The following SEMA3D variants were observed in gnomAD, a reference collection of about 807,000 sequenced individuals.
SEMA3D encodes the protein semaphorin 3D, also known as semaphorin-3D.
In SEMA3D, 84 loss-of-function variants were observed where a neutral mutation model predicts 100.1. That is an observed-to-expected ratio of 0.84 (90% CI 0.70 to 1.01). The LOEUF is 1.01. Ranked by LOEUF, SEMA3D falls within the 50% of genes least tolerant of loss-of-function variation. The pLI, the probability that SEMA3D is intolerant of heterozygous loss-of-function variation, is 0.00. For missense variants in SEMA3D, 875 were observed against 934.1 expected, an observed-to-expected ratio of 0.94 and a Z score of 0.82; for synonymous variants, 312 against 320.7, an observed-to-expected ratio of 0.97 and a Z score of 0.29.
chr7:85,103,809 A>G (rs376725253), intron 3 of SEMA3D, among the ~76,000 whole-genome samples: 1 of 152,028 alleles, frequency 6.6e-6, no homozygotes, highest in African/African-American at 2.4e-5. Flanking sequence ...TTATTTATCT[A>G]CTTGCTTAAA....
intron 4 of SEMA3D, among the ~76,000 whole-genome samples, chr7:85,094,386 C>T (rs1788486704): frequency 6.6e-6 from 1 of 151,956 alleles, no homozygotes; most frequent in Admixed American, 6.6e-5. Flanking sequence ...AAAGGATAAA[C>T]TAAGTTAAAA....
chr7:85,105,210 T>C (rs1788878986), intron 3 of SEMA3D, among the ~76,000 whole-genome samples: 1 of 152,066 alleles, frequency 6.6e-6, no homozygotes, highest in African/African-American at 2.4e-5. Flanking sequence ...ATTTCTCCTC[T>C]GATCTCTAAA....
chr7:85,107,291 T>A (rs929435356), intron 3 of SEMA3D, among the ~76,000 whole-genome samples: 2 of 152,090 alleles, frequency 1.3e-5, no homozygotes, highest in African/African-American at 4.8e-5. Flanking sequence ...TTTCTCCAGA[T>A]GAAAGTTCTT....
chr7:85,195,675 C>G, the SEMA3D span, among the ~76,000 whole-genome samples: 1 of 152,110 alleles, frequency 6.6e-6, no homozygotes, highest in East Asian at 1.9e-4. Context: ...CCAGAATGGT[C>G]AAACTTCATA....
At chr7:85,053,947 G>A (rs1345860665) in intron 9 of SEMA3D, among the ~76,000 whole-genome samples, 1 of 151,808 alleles carries the variant, frequency 6.6e-6, no homozygotes. Flanking sequence ...GTGTGTGTGT[G>A]TGATGAGAAA....
At chr7:85,140,758 T>C (rs1011789225) in intron 2 of SEMA3D, 1 of 973,260 alleles carries the variant, frequency 1.0e-6, no homozygotes, top group African/African-American at 1.8e-5. Flanking sequence ...GGCCTAATAA[T>C]GAATGAATTA....
chr7:85,029,792 G>T, intron 12 of SEMA3D: 1 of 223,654 alleles, frequency 4.5e-6, no homozygotes, highest in South Asian at 7.0e-5. Context: ...CGGTCGAGCT[G>T]CTATACTAAA....
At position 85,039,969 on chromosome 7, in the gene SEMA3D, CTTTTTTTTTTT is replaced by C. The variant is rs776990536; in HGVS notation, c.1046+693_1046+703del. Among the ~76,000 whole-genome samples the C allele has an allele frequency of 6.6e-5, 6 of 90,628 alleles. No homozygotes were observed. In the East Asian group the frequency reaches 1.5e-3, roughly 23 times the overall value. 59.5% of individuals were successfully genotyped at this position (90,628 alleles called of 152,430 possible). A position where few individuals can be genotyped will look rare whatever the true frequency, so the allele number is the denominator to read the frequency against. On this transcript the variant is annotated intron_variant, in intron 11 of 18. Transcript: ENST00000284136. ...ACTATGATTAATATATACGCAAACA[CTTTTTTTTTTT>C]TTTTTTTTTTTTTGGTGACAGGGTC...
chr7:85,218,889 A>G, the SEMA3D span, among the ~76,000 whole-genome samples: 3 of 152,144 alleles, frequency 2.0e-5, no homozygotes, highest in African/African-American at 7.2e-5. Context: ...TCCTGATTCA[A>G]TAAGCCCTCA....
At chr7:85,149,690 T>G (rs1790312068) in intron 2 of SEMA3D, among the ~76,000 whole-genome samples, 2 of 152,100 alleles carry the variant, frequency 1.3e-5, no homozygotes, top group Admixed American at 6.6e-5. Flanking sequence ...TTACAGTGCT[T>G]CCATTCACTT....
intron 9 of SEMA3D, among the ~76,000 whole-genome samples, chr7:85,055,301 T>C (rs1217767202): frequency 6.6e-6 from 1 of 152,010 alleles, no homozygotes; most frequent in Non-Finnish European, 1.5e-5. Flanking sequence ...TTTAACATTA[T>C]ATAAAAACAT....
In SEMA3D at chr7:85,081,551, A is replaced by G; in HGVS notation, c.341T>C (p.Val114Ala). The change falls in exon 5 of 19, where the codon GTG becomes GCG. Residue 114 changes from valine (V) to alanine (A), a missense_variant. Physicochemically the swap from Val to Ala is moderately conservative, Grantham distance 64 (BLOSUM62 0). Coordinates refer to ENST00000284136, the MANE Select transcript of SEMA3D (RefSeq NM_001384900.1). ...TTTCCCAGCTAATTTACATAATTCC[A>G]CCCGTTCCTTTGCAGCAGGCCAATA... The part of the protein sequence containing the change: ...KIYWPAAKER[V>A]ELCKLAGKDA... The G allele has an allele frequency of 6.2e-7, 1 of 1,612,268 alleles. No homozygotes were observed. Among genetic ancestry groups the G allele is most frequent in the Non-Finnish European group, 8.5e-7 (1 of 1,178,582 alleles).
At position 85,126,375 on chromosome 7, in the gene SEMA3D, C is replaced by CGTGTGTGTGT. The variant is rs34641872; in HGVS notation, c.-40-4454_-40-4445dup. The stretch of plus-strand genomic sequence containing the variant: ...AACACTTAGATTTAGGATTCTTTCT[C>CGTGTGTGTGT]GTGTGTGTGTGTGTGTGTGTGTGTG... On this transcript the variant is annotated intron_variant, in intron 2 of 18. Transcript: ENST00000284136. Among the ~76,000 whole-genome samples, 28 of 131,006 alleles carry CGTGTGTGTGT rather than the reference C, an allele frequency of 2.1e-4. No homozygotes were observed. The South Asian group carries it at 2.2e-3, about 10-fold the overall frequency. 85.9% of individuals were successfully genotyped at this position (131,006 alleles called of 152,430 possible).
At chr7:85,216,913 A>T in the SEMA3D span, among the ~76,000 whole-genome samples, 1 of 151,810 alleles carries the variant, frequency 6.6e-6, no homozygotes, top group Admixed American at 6.6e-5. Flanking sequence ...GGCTCCAAAA[A>T]ACTTGGATTT....
chr7:85,016,977 A>G (rs1159799545), intron 15 of SEMA3D, among the ~76,000 whole-genome samples: 5 of 151,670 alleles, frequency 3.3e-5, no homozygotes, highest in Admixed American at 3.3e-4. Flanking sequence ...ATATAAAGAT[A>G]TATAAAGTTG....
chr7:85,242,599 C>A, the SEMA3D span, among the ~76,000 whole-genome samples: 1 of 152,078 alleles, frequency 6.6e-6, no homozygotes, highest in African/African-American at 2.4e-5. Context: ...TGATTTACTG[C>A]TTGCTGGTTC....
At chr7:85,221,511 T>C in the SEMA3D span, among the ~76,000 whole-genome samples, 4 of 152,206 alleles carry the variant, frequency 2.6e-5, no homozygotes, top group South Asian at 8.3e-4. Flanking sequence ...TCTGAGATGA[T>C]TGTCAAGATG....
intron 2 of SEMA3D, among the ~76,000 whole-genome samples, chr7:85,125,102 A>G (rs1261240761): frequency 6.6e-6 from 1 of 152,140 alleles, no homozygotes; most frequent in Non-Finnish European, 1.5e-5. Flanking sequence ...AAATGAATGC[A>G]GAGACTGAGT....
chr7:85,111,111 C>T (rs776961949), intron 3 of SEMA3D, among the ~76,000 whole-genome samples: 2 of 152,002 alleles, frequency 1.3e-5, no homozygotes, highest in Non-Finnish European at 2.9e-5. Context: ...TTTCAGTTCA[C>T]TTTGCAGTTA....
Sources: gnomAD v4.1 joint callset for allele counts (sites outside exome capture counted in the v4.1 genomes callset) on GRCh38, gnomAD v4.1.1 for gene constraint, MANE v1.5 for transcripts, NCBI Gene and HGNC (gene_info 2026-07-23, HGNC 2026-07-21) for gene names.